IMPG1: variants seen among roughly 807,000 people sequenced by gnomAD.
IMPG1 encodes the protein interphotoreceptor matrix proteoglycan of 150 kDa.
Under a neutral mutation model 92.0 loss-of-function variants are expected in IMPG1, and 85 were observed. The ratio of observed to expected loss-of-function variants is 0.92; its 90% CI spans 0.78 to 1.11. IMPG1 has a LOEUF of 1.11. IMPG1 is among the 50% of genes least tolerant of loss of function. IMPG1 has a pLI of 0.00. For missense variants in IMPG1, 1,022 were observed against 956.0 expected, an observed-to-expected ratio of 1.07 and a Z score of -0.91; for synonymous variants, 367 against 334.1, an observed-to-expected ratio of 1.10 and a Z score of -1.08.
intron 15 of IMPG1, among the ~76,000 whole-genome samples, chr6:75,924,693 A>ATATATAAT (rs375540782): frequency 0.012 from 48 of 4,034 alleles, 10 homozygotes; most frequent in African/African-American, 0.02. Flanking sequence ...ATTATATATA[A>ATATATAAT]ATAATTATAT....
intron 1 of IMPG1, among the ~76,000 whole-genome samples, chr6:76,070,588 G>T (rs1297516810): frequency 6.6e-6 from 1 of 152,034 alleles, no homozygotes; most frequent in Non-Finnish European, 1.5e-5. Flanking sequence ...ACTAATGAAT[G>T]AATAAAGAAA....
chr6:76,035,141 C>A (rs973189839), intron 2 of IMPG1, among the ~76,000 whole-genome samples: 6 of 151,922 alleles, frequency 3.9e-5, no homozygotes, highest in Non-Finnish European at 5.9e-5. Context: ...GCTAGGGGCA[C>A]TGAAGGAGCA....
At chr6:75,994,239 T>C (rs764683590) in intron 12 of IMPG1, among the ~76,000 whole-genome samples, 2 of 152,202 alleles carry the variant, frequency 1.3e-5, no homozygotes, top group Non-Finnish European at 2.9e-5. Context: ...AATCAGGATG[T>C]GTAGGAGGAC....
intron 12 of IMPG1, among the ~76,000 whole-genome samples, chr6:75,965,899 G>A (rs955784154): frequency 2.6e-5 from 4 of 152,208 alleles, no homozygotes; most frequent in Admixed American, 6.5e-5. Flanking sequence ...GAGCCACCAC[G>A]CCCAGCCACA....
At chr6:75,956,372 C>A (rs542696537) in intron 12 of IMPG1, among the ~76,000 whole-genome samples, 2 of 152,166 alleles carry the variant, frequency 1.3e-5, no homozygotes, top group South Asian at 2.1e-4. Flanking sequence ...AGATTTTCTA[C>A]TTTACTTGCG....
intron 12 of IMPG1, among the ~76,000 whole-genome samples, chr6:75,960,608 A>G (rs923684596): frequency 6.6e-6 from 1 of 152,172 alleles, no homozygotes; most frequent in African/African-American, 2.4e-5. Context: ...TTGAGATTGA[A>G]GCTTCTAAGG....
chr6:76,002,592 T>C (rs946456217), intron 12 of IMPG1, among the ~76,000 whole-genome samples: 4 of 152,118 alleles, frequency 2.6e-5, no homozygotes, highest in Non-Finnish European at 5.9e-5. Context: ...GGACTCTCAG[T>C]TTCCAAGCCC....
chr6:75,950,554 C>T lies in IMPG1; in HGVS notation c.1824+8G>A, dbSNP rs41312278. 122,499 of 1,588,824 alleles carry T rather than the reference C, an allele frequency of 0.077. 5,430 individuals are homozygous for T. Among genetic ancestry groups the T allele is most frequent in the Non-Finnish European group, 0.091 (106,643 of 1,167,032 alleles). The stretch of plus-strand genomic sequence containing the variant: ...AAGAATTGGGAATTGTGAGCAGTGC[C>T]CACTCACCAGCTGTGTGAATTGTTG... On this transcript the variant is annotated splice_region_variant and intron_variant, in intron 13 of 16. Transcript: ENST00000369950.
intron 1 of IMPG1, among the ~76,000 whole-genome samples, chr6:76,061,319 A>G (rs757605043): frequency 6.6e-6 from 1 of 152,240 alleles, no homozygotes; most frequent in Non-Finnish European, 1.5e-5. Context: ...CAGTTGAACA[A>G]GAAAGTCTGT....
chr6:76,012,858 C>T (rs998289006), intron 7 of IMPG1, among the ~76,000 whole-genome samples: 2 of 152,190 alleles, frequency 1.3e-5, no homozygotes, highest in Admixed American at 1.3e-4. Flanking sequence ...CCTTTGTCCT[C>T]AGCCTCTCTG....
intron 4 of IMPG1, among the ~76,000 whole-genome samples, chr6:76,026,959 T>C (rs748923194): frequency 1.3e-5 from 2 of 152,242 alleles, no homozygotes; most frequent in Non-Finnish European, 2.9e-5. Context: ...ATCTGTCTCT[T>C]AAATAGCCCC....
At chr6:76,045,328 C>T (rs1478429278) in intron 1 of IMPG1, among the ~76,000 whole-genome samples, 1 of 152,006 alleles carries the variant, frequency 6.6e-6, no homozygotes, top group Non-Finnish European at 1.5e-5. Flanking sequence ...ACTTTCACAT[C>T]AGTCCTATTT....
At chr6:75,927,650 T>A (rs1424587499) in intron 15 of IMPG1, among the ~76,000 whole-genome samples, 1 of 152,044 alleles carries the variant, frequency 6.6e-6, no homozygotes, top group African/African-American at 2.4e-5. Flanking sequence ...ATTCAGGAAG[T>A]TGAAAAGGGC....
At chr6:75,967,887 A>G (rs1224943953) in intron 12 of IMPG1, among the ~76,000 whole-genome samples, 1 of 152,234 alleles carries the variant, frequency 6.6e-6, no homozygotes, top group Non-Finnish European at 1.5e-5. Flanking sequence ...GGCAATAAGT[A>G]GTTGAGCCCT....
At chr6:75,934,100 A>G (rs1244589364) in intron 14 of IMPG1, among the ~76,000 whole-genome samples, 1 of 152,098 alleles carries the variant, frequency 6.6e-6, no homozygotes, top group East Asian at 1.9e-4. Flanking sequence ...CCCCCACCCC[A>G]CCACATCTTC....
chr6:75,969,025 T>C (rs1307949799), intron 12 of IMPG1, among the ~76,000 whole-genome samples: 1 of 152,194 alleles, frequency 6.6e-6, no homozygotes, highest in Non-Finnish European at 1.5e-5. Flanking sequence ...ACAACATGAA[T>C]GAACCTGTTC....
At chr6:76,058,261 AGAGT>A (rs1431502728) in intron 1 of IMPG1, among the ~76,000 whole-genome samples, 2 of 152,198 alleles carry the variant, frequency 1.3e-5, no homozygotes, top group African/African-American at 4.8e-5. Context: ...TGAAACAAAG[AGAGT>A]GAGTGTTTGG....
At position 75,921,876 on chromosome 6, in the gene IMPG1, G is replaced by A; in HGVS notation, c.*213C>T. On this transcript the variant is annotated 3_prime_UTR_variant, in exon 17 of 17. Transcript: ENST00000369950. ...ATATGTTTCGCTGATTGCATTTGGG[G>A]TTTTAATAATAAGTAAGTGTCTTTT... 2.6e-6 allele frequency: 1 copy of A among 391,312 alleles called. No homozygotes were observed. Among genetic ancestry groups the A allele is most frequent in the Non-Finnish European group, 4.5e-6 (1 of 221,768 alleles). 24.2% of individuals were successfully genotyped at this position (391,312 alleles called of 1,614,324 possible). A position where few individuals can be genotyped will look rare whatever the true frequency, so the allele number is the denominator to read the frequency against.
At chr6:75,965,892 C>A (rs1391161493) in intron 12 of IMPG1, among the ~76,000 whole-genome samples, 3 of 152,214 alleles carry the variant, frequency 2.0e-5, no homozygotes, top group Non-Finnish European at 4.4e-5. Context: ...CAGGCATGAG[C>A]CACCACGCCC....
Sources: allele counts gnomAD v4.1 joint callset (sites outside exome capture counted in the v4.1 genomes callset), GRCh38; gene constraint gnomAD v4.1.1; transcripts MANE v1.5; gene names NCBI Gene and HGNC (gene_info 2026-07-23, HGNC 2026-07-21).